ROPN1L: variants seen among roughly 807,000 people sequenced by gnomAD.
ROPN1L encodes the protein ropporin-1-like protein.
A neutral mutation model predicts 22.7 loss-of-function variants in ROPN1L; 23 were observed. That is an observed-to-expected ratio of 1.01 (90% confidence interval 0.73 to 1.43). The LOEUF is 1.43. ROPN1L is among the 40% of genes most tolerant of loss of function. ROPN1L has a pLI of 0.00. For synonymous variants in ROPN1L, 116 were observed against 117.8 expected (o/e 0.98, Z 0.10); for missense variants, 271 against 291.5 (o/e 0.93, Z 0.51).
chr5:10,451,905 T>A (rs1029009934), intron 3 of ROPN1L, among the ~76,000 whole-genome samples: 1 of 151,006 alleles, frequency 6.6e-6, no homozygotes, highest in Non-Finnish European at 1.5e-5. Context: ...TTTATGTCAC[T>A]TTGTTAATCT....
intron 4 of ROPN1L, among the ~76,000 whole-genome samples, chr5:10,470,062 T>C (rs1216377704): frequency 1.3e-5 from 2 of 152,268 alleles, no homozygotes; most frequent in Non-Finnish European, 2.9e-5. Flanking sequence ...TAATGAGGAA[T>C]GAACACAGAA....
intron 3 of ROPN1L, among the ~76,000 whole-genome samples, chr5:10,455,722 C>A (rs1741396584): frequency 6.7e-6 from 1 of 149,042 alleles, no homozygotes; most frequent in African/African-American, 2.5e-5. Context: ...TTAGGAAACT[C>A]TAGAGGATAA....
Position 10,442,012 on chromosome 5 carries a change from C to A in ROPN1L, c.-156C>A, listed in dbSNP as rs1579637891. 9.9e-7 allele frequency: 1 copy of A among 1,011,382 alleles called. No individual in the cohort carries two copies. The highest frequency in any genetic ancestry group is 1.4e-6 in the Non-Finnish European group (1 of 696,268). 62.7% of individuals were successfully genotyped at this position (1,011,382 alleles called of 1,614,324 possible). ...AGCCCGCGGAGGAGCGGGTAAGAGC[C>A]CCGCGAATCCGGCCCCAACCTCGGG... On this transcript the variant is annotated 5_prime_UTR_variant, in exon 1 of 5. Transcript: ENST00000274134.
At chr5:10,459,777 C>T (rs970185949) in intron 3 of ROPN1L, among the ~76,000 whole-genome samples, 8 of 152,212 alleles carry the variant, frequency 5.3e-5, no homozygotes, top group Non-Finnish European at 8.8e-5. Context: ...GCTCCAGGCA[C>T]GCCCTCTTCC....
chr5:10,458,382 G>A (rs1734893714), intron 3 of ROPN1L, among the ~76,000 whole-genome samples: 1 of 151,640 alleles, frequency 6.6e-6, no homozygotes, highest in South Asian at 2.1e-4. Flanking sequence ...CGTGGGGCTC[G>A]GCTGTATACA....
chr5:10,444,790 A>G (rs1357886800), intron 1 of ROPN1L, among the ~76,000 whole-genome samples: 2 of 151,072 alleles, frequency 1.3e-5, no homozygotes, highest in East Asian at 4.2e-4. Context: ...TCCCAGTTAC[A>G]TGGGAGGCTG....
chr5:10,465,286 C>T (rs1404946870), downstream of ROPN1L, among the ~76,000 whole-genome samples: 1 of 151,728 alleles, frequency 6.6e-6, no homozygotes, highest in Non-Finnish European at 1.5e-5. Context: ...GAGGCCGAGG[C>T]GGGTGGATTA....
Position 10,461,265 on chromosome 5 carries a change from A to G in ROPN1L, c.499A>G (p.Thr167Ala). 1.2e-6 allele frequency: 2 copies of G among 1,614,056 alleles called. No homozygotes were observed. Among genetic ancestry groups the G allele is most frequent in the Non-Finnish European group, 1.7e-6 (2 of 1,180,014 alleles). Reference sequence around the variant, plus strand: ...CGGGCCCGCTCGCATCCCCTTCAAGACGTTTTCCTACGTTTACCGCTACTT... The same window carrying G: ...CGGGCCCGCTCGCATCCCCTTCAAGGCGTTTTCCTACGTTTACCGCTACTT... ...EGGPARIPFKTFSYVYRYLAR... is the reference protein window; with the variant it reads ...EGGPARIPFKAFSYVYRYLAR... Residue 167 changes from threonine (T) to alanine (A), a missense_variant, in exon 4 of 5, where the codon ACG becomes GCG. By Grantham distance (58) the Thr-to-Ala change is moderately conservative (BLOSUM62 0). Coordinates refer to ENST00000274134, the MANE Select transcript of ROPN1L (RefSeq NM_031916.5).
chr5:10,443,586 C>T (rs1175684062), intron 1 of ROPN1L, among the ~76,000 whole-genome samples: 1 of 150,886 alleles, frequency 6.6e-6, no homozygotes, highest in Admixed American at 6.6e-5. Flanking sequence ...TGCGCCACTG[C>T]AGTCCGCAGT....
chr5:10,450,798 C>G (rs1019037568), intron 3 of ROPN1L, among the ~76,000 whole-genome samples: 1 of 152,320 alleles, frequency 6.6e-6, no homozygotes, highest in Admixed American at 6.5e-5. Flanking sequence ...GCCACCGCGC[C>G]GGCCTTAGAA....
Position 10,442,025 on chromosome 5 carries a change from C to A in ROPN1L, c.-143C>A. ...GCGGGTAAGAGCCCCGCGAATCCGG[C>A]CCCAACCTCGGGAACGGGATGGGAG... is the stretch of plus-strand genomic sequence containing the variant. On this transcript the variant is annotated 5_prime_UTR_variant, in exon 1 of 5. Transcript: ENST00000274134. 1 of 1,187,740 alleles carries A rather than the reference C, an allele frequency of 8.4e-7. No individual in the cohort carries two copies. Among genetic ancestry groups the A allele is most frequent in the Non-Finnish European group, 1.2e-6 (1 of 847,876 alleles). 73.6% of individuals were successfully genotyped at this position (1,187,740 alleles called of 1,614,324 possible).
At chr5:10,458,646 C>T (rs1734915830) in intron 3 of ROPN1L, among the ~76,000 whole-genome samples, 1 of 75,050 alleles carries the variant, frequency 1.3e-5, no homozygotes, top group African/African-American at 5.7e-5. Flanking sequence ...ACACCGTCCC[C>T]ACCATGTACA....
chr5:10,482,762 C>T, the ROPN1L span, among the ~76,000 whole-genome samples: 1 of 152,222 alleles, frequency 6.6e-6, no homozygotes, highest in Non-Finnish European at 1.5e-5. Context: ...AAAGTTCTGT[C>T]TTTGCAGTTG....
chr5:10,443,157 C>A (rs1740938579), intron 1 of ROPN1L, among the ~76,000 whole-genome samples: 1 of 150,540 alleles, frequency 6.6e-6, no homozygotes, highest in Non-Finnish European at 1.5e-5. Context: ...GAGTTTGAGA[C>A]CAGCCTGGGT....
intron 4 of ROPN1L, among the ~76,000 whole-genome samples, chr5:10,464,283 G>T (rs766358590): frequency 6.6e-6 from 1 of 152,100 alleles, no homozygotes; most frequent in Admixed American, 6.5e-5. Flanking sequence ...CCTTCTGTCC[G>T]CCTTATTCTT....
the ROPN1L span, among the ~76,000 whole-genome samples, chr5:10,480,226 C>T: frequency 3.4e-4 from 52 of 152,308 alleles, no homozygotes; most frequent in Non-Finnish European, 6.6e-4. Context: ...CCTGGAGCTA[C>T]GAAATACACA....
At chr5:10,479,819 C>T in the ROPN1L span, among the ~76,000 whole-genome samples, 3 of 152,004 alleles carry the variant, frequency 2.0e-5, no homozygotes, top group Non-Finnish European at 2.9e-5. Context: ...GATCTCGGCT[C>T]ACGCAACCTC....
intron 1 of ROPN1L, among the ~76,000 whole-genome samples, chr5:10,444,330 G>T (rs905342854): frequency 2.6e-5 from 4 of 151,978 alleles, no homozygotes; most frequent in African/African-American, 9.7e-5. Flanking sequence ...CACTCTTGTT[G>T]CCCAGGCTGG....
chr5:10,463,526 C>T (rs1735083628), intron 4 of ROPN1L, among the ~76,000 whole-genome samples: 1 of 152,180 alleles, frequency 6.6e-6, no homozygotes, highest in Non-Finnish European at 1.5e-5. Context: ...GTCCTCCAGG[C>T]TCCAGCCCCA....
Sources: allele counts gnomAD v4.1 joint callset (sites outside exome capture counted in the v4.1 genomes callset), GRCh38; gene constraint gnomAD v4.1.1; transcripts MANE v1.5; gene names NCBI Gene and HGNC (gene_info 2026-07-23, HGNC 2026-07-21).